The following THSD7B variants were observed in gnomAD, a reference collection of about 807,000 sequenced individuals.
THSD7B encodes the protein thrombospondin type-1 domain-containing protein 7B.
Under a neutral mutation model 213.6 loss-of-function variants are expected in THSD7B, and 138 were observed. The ratio of observed to expected loss-of-function variants is 0.65; its 90% confidence interval spans 0.56 to 0.74. THSD7B has a LOEUF of 0.74. THSD7B is among the 30% of genes least tolerant of loss of function. THSD7B has a pLI of 0.00. For synonymous variants in THSD7B, 742 were observed against 687.0 expected (o/e 1.08, Z -1.25); for missense variants, 1,931 against 1,991.5 (o/e 0.97, Z 0.58).
intron 1 of THSD7B, among the ~76,000 whole-genome samples, chr2:136,843,486 CT>C (rs1558823503): frequency 6.6e-6 from 1 of 152,100 alleles, no homozygotes; most frequent in Non-Finnish European, 1.5e-5. Context: ...TTACATAAAA[CT>C]TTTTTACCAT....
At chr2:136,829,460 C>T (rs1682714570) in intron 1 of THSD7B, among the ~76,000 whole-genome samples, 1 of 152,084 alleles carries the variant, frequency 6.6e-6, no homozygotes, top group African/African-American at 2.4e-5. Flanking sequence ...AACTCTTCAC[C>T]TTTCAGATTA....
chr2:137,201,006 T>G (rs2105024227), intron 7 of THSD7B, among the ~76,000 whole-genome samples: 1 of 152,322 alleles, frequency 6.6e-6, no homozygotes, highest in South Asian at 2.1e-4. Flanking sequence ...TAGTCTGATT[T>G]TGCCTGTTTT....
At chr2:137,546,368 A>ATAT (rs1378873113) in intron 15 of THSD7B, among the ~76,000 whole-genome samples, 3 of 51,584 alleles carry the variant, frequency 5.8e-5, no homozygotes, top group Non-Finnish European at 1.0e-4. Context: ...TATATTATAT[A>ATAT]TATATATAAT....
intron 14 of THSD7B, among the ~76,000 whole-genome samples, chr2:137,425,892 G>A (rs112023051): frequency 4.1e-4 from 63 of 151,814 alleles, no homozygotes; most frequent in Middle Eastern, 3.4e-3. Flanking sequence ...GAAAGAGAAA[G>A]ACTGACCCTG....
intron 2 of THSD7B, among the ~76,000 whole-genome samples, chr2:136,989,206 AGTTTGGTATACAATACG>A (rs1685721328): frequency 6.6e-6 from 1 of 152,116 alleles, no homozygotes; most frequent in Non-Finnish European, 1.5e-5. Context: ...GAGGGGTATG[AGTTTGGTATACAATACG>A]GTTTGGATAT....
intron 2 of THSD7B, among the ~76,000 whole-genome samples, chr2:137,033,666 G>A (rs893635869): frequency 1.3e-5 from 2 of 151,932 alleles, no homozygotes; most frequent in South Asian, 2.1e-4. Context: ...GACCTGGAGC[G>A]CAGTGGCACA....
chr2:136,946,309 T>G (rs1684936631), intron 2 of THSD7B, among the ~76,000 whole-genome samples: 1 of 152,110 alleles, frequency 6.6e-6, no homozygotes, highest in Non-Finnish European at 1.5e-5. Context: ...GAACTGGAAA[T>G]GTTGCAGAAC....
intron 17 of THSD7B, among the ~76,000 whole-genome samples, chr2:137,595,805 A>G (rs1224183202): frequency 6.6e-6 from 1 of 151,940 alleles, no homozygotes; most frequent in African/African-American, 2.4e-5. Context: ...TAATCACACA[A>G]AACTTTAAAA....
intron 7 of THSD7B, among the ~76,000 whole-genome samples, chr2:137,196,490 AC>A (rs1680765636): frequency 1.4e-5 from 2 of 140,638 alleles, no homozygotes; most frequent in African/African-American, 5.3e-5. Context: ...TTATTTTTTC[AC>A]TGTATTAATG....
At chr2:137,287,874 C>T (rs1683222172) in intron 12 of THSD7B, among the ~76,000 whole-genome samples, 1 of 152,092 alleles carries the variant, frequency 6.6e-6, no homozygotes, top group African/African-American at 2.4e-5. Flanking sequence ...AGTCACAGAA[C>T]TATCTTCCCT....
intron 4 of THSD7B, among the ~76,000 whole-genome samples, chr2:137,102,673 C>T (rs929005627): frequency 6.6e-6 from 1 of 152,062 alleles, no homozygotes; most frequent in African/African-American, 2.4e-5. Context: ...CTAGAATAAC[C>T]AGTTTAGAGA....
At chr2:137,194,822 G>A (rs1242419867) in intron 7 of THSD7B, among the ~76,000 whole-genome samples, 1 of 152,018 alleles carries the variant, frequency 6.6e-6, no homozygotes, top group Non-Finnish European at 1.5e-5. Flanking sequence ...TTTTATCATT[G>A]ACTCTCTAGG....
chr2:137,171,840 C>T (rs553008307), intron 7 of THSD7B, among the ~76,000 whole-genome samples: 1 of 152,146 alleles, frequency 6.6e-6, no homozygotes, highest in African/African-American at 2.4e-5. Flanking sequence ...TCTCTTCATC[C>T]TTTCTTCATT....
chr2:137,060,949 A>G (rs1276733951), intron 3 of THSD7B, among the ~76,000 whole-genome samples: 1 of 151,918 alleles, frequency 6.6e-6, no homozygotes, highest in Non-Finnish European at 1.5e-5. Context: ...GAACTAATAT[A>G]TTGATAATAC....
chr2:137,175,280 A>C (rs1680337608), intron 7 of THSD7B, among the ~76,000 whole-genome samples: 2 of 152,206 alleles, frequency 1.3e-5, no homozygotes, highest in Admixed American at 1.3e-4. Context: ...TCTTGAAAAA[A>C]AGTGTTTACA....
At chr2:137,472,271 A>G (rs995379) in intron 15 of THSD7B, among the ~76,000 whole-genome samples, 150,861 of 152,294 alleles carry the variant, frequency 0.99, 74,736 homozygotes, top group Middle Eastern at 1. Context: ...TTAAGAAAGC[A>G]CCCTTAAAAT....
At chr2:137,009,127 G>A (rs1333718959) in intron 2 of THSD7B, among the ~76,000 whole-genome samples, 1 of 152,210 alleles carries the variant, frequency 6.6e-6, no homozygotes, top group African/African-American at 2.4e-5. Flanking sequence ...GATTGATACT[G>A]AGTGTCAGAG....
chr2:137,371,601 C>A (rs1319612176), intron 12 of THSD7B, among the ~76,000 whole-genome samples: 2 of 152,100 alleles, frequency 1.3e-5, no homozygotes, highest in African/African-American at 4.8e-5. Context: ...GATTTCCTCC[C>A]TGGCATATTT....
chr2:137,467,720 A>G (rs10199784), intron 15 of THSD7B, among the ~76,000 whole-genome samples: 144,893 of 151,984 alleles, frequency 0.95, 69,469 homozygotes, highest in Non-Finnish European at 1. Flanking sequence ...TCTGCAATGG[A>G]AAAATTGGCC....
Sources: allele counts gnomAD v4.1 joint callset (sites outside exome capture counted in the v4.1 genomes callset), GRCh38; gene constraint gnomAD v4.1.1; transcripts MANE v1.5; gene names NCBI Gene and HGNC (gene_info 2026-07-23, HGNC 2026-07-21).